MED14: variants seen among roughly 807,000 people sequenced by gnomAD.
MED14 encodes mediator complex subunit 14.
A neutral mutation model predicts 109.0 loss-of-function variants in MED14; 8 were observed. That is an observed-to-expected ratio of 0.07 (90% confidence interval 0.04 to 0.13). The LOEUF is 0.13. Ranked by LOEUF, MED14 falls within the 10% of genes least tolerant of loss-of-function variation. The probability of loss-of-function intolerance (pLI) is 1.00; values close to 1 mark genes in which losing one functional copy is unlikely to be tolerated. For synonymous variants in MED14, 399 were observed against 408.7 expected (o/e 0.98, Z 0.29); for missense variants, 711 against 1,142.4 (o/e 0.62, Z 5.44).
rs1403818226 is a variant in MED14, at chrX:40,697,294, A to C, written c.1491-111T>G. 6.5e-6 allele frequency: 3 copies of C among 464,686 alleles called. No homozygotes were observed. The African/African-American group carries it at 7.3e-5, about 11-fold the overall frequency. 38.3% of individuals were successfully genotyped at this position (464,686 alleles called of 1,213,427 possible). On this transcript the variant is annotated intron_variant, in intron 12 of 30. Transcript: ENST00000324817. ...TTAAAAAAACAATTAATTGAAATTT[A>C]ACTGAACTAATAAAAGGACACATGG...
Position 40,680,744 on chromosome X carries a change from ATAAACT to A in MED14, c.2610+8_2610+13del. The A allele has an allele frequency of 4.2e-6, 5 of 1,181,571 alleles. No individual in the cohort carries two copies. The highest frequency in any genetic ancestry group is 5.7e-6 in the Non-Finnish European group (5 of 874,188). On this transcript the variant is annotated splice_region_variant and intron_variant, in intron 20 of 30. Coordinates refer to ENST00000324817, the MANE Select transcript of MED14 (RefSeq NM_004229.4). ...ACTAAGTCTTATTTTTAGACAGAAAATAAACTTAATTACCTGTAATAACTGAACCAC... is the reference window on the plus strand; with the variant it reads ...ACTAAGTCTTATTTTTAGACAGAAAATAATTACCTGTAATAACTGAACCAC...
At chrX:40,726,137 C>T (rs1206646803) in intron 3 of MED14, among the ~76,000 whole-genome samples, 1 of 111,523 alleles carries the variant, frequency 9.0e-6, no homozygotes, top group African/African-American at 3.3e-5. Context: ...GTACACTGCA[C>T]TGCATGTCAC....
chrX:40,735,047 A>T, intron 1 of MED14, 151 bp downstream of exon 1: 1 of 344,683 alleles, frequency 2.9e-6, no homozygotes, highest in East Asian at 4.8e-5. Context: ...CTTCTTCTCC[A>T]CCTCTGCTGA....
chrX:40,726,713 T>TTTATACAAAGTAAATA lies in MED14; in HGVS notation c.348+32_348+33insTATTTACTTTGTATAA, dbSNP rs1204709909. 2.7e-6 allele frequency: 3 copies of TTTATACAAAGTAAATA among 1,111,519 alleles called. No individual in the cohort carries two copies. In the Admixed American group the frequency reaches 7.2e-5, roughly 27 times the overall value. The allele number at this position is 1,111,519 out of a possible 1,213,427, so 91.6% of individuals were successfully genotyped here. A position where few individuals can be genotyped will look rare whatever the true frequency, so the allele number is the denominator to read the frequency against. On this transcript the variant is annotated intron_variant, in intron 3 of 30. Transcript: ENST00000324817. ...TCTATCATAACATTCGAAAAGTTAT[T>TTTATACAAAGTAAATA]TTATACAAAGTAAAATAAAAAGTTT...
At chrX:40,696,705 C>T (rs1930738003) in intron 13 of MED14, among the ~76,000 whole-genome samples, 1 of 111,634 alleles carries the variant, frequency 9.0e-6, no homozygotes, top group African/African-American at 3.3e-5. Flanking sequence ...TCAAGTGAAA[C>T]AAGTTTATCT....
chrX:40,661,762 T>G (rs1221395574), intron 26 of MED14, among the ~76,000 whole-genome samples: 1 of 111,970 alleles, frequency 8.9e-6, no homozygotes, highest in Non-Finnish European at 1.9e-5. Flanking sequence ...AATTATAAAT[T>G]ATCTCCTAAG....
intron 3 of MED14, among the ~76,000 whole-genome samples, chrX:40,715,611 C>T (rs1381684967): frequency 9.3e-6 from 1 of 107,879 alleles, no homozygotes. Flanking sequence ...ATGATGAAAC[C>T]CTGTCTCTAC....
intron 26 of MED14, among the ~76,000 whole-genome samples, chrX:40,660,788 T>C (rs1322146502): frequency 8.8e-6 from 1 of 113,162 alleles, no homozygotes; most frequent in Non-Finnish European, 1.9e-5. Flanking sequence ...TAGTTTATTT[T>C]ATTATTTTTC....
At chrX:40,728,533 A>AT (rs1322873723) in intron 2 of MED14, among the ~76,000 whole-genome samples, 7 of 110,537 alleles carry the variant, frequency 6.3e-5, no homozygotes, top group African/African-American at 1.7e-4. Flanking sequence ...GTGATTTGGT[A>AT]TAAAAAAAAA....
intron 16 of MED14, among the ~76,000 whole-genome samples, chrX:40,686,427 A>C (rs2146663943): frequency 8.9e-6 from 1 of 111,973 alleles, no homozygotes; most frequent in African/African-American, 3.2e-5. Context: ...AGAAAAAAAA[A>C]ACCTATATTC....
At chrX:40,703,810 A>G in intron 10 of MED14, among the ~76,000 whole-genome samples, 1 of 112,628 alleles carries the variant, frequency 8.9e-6, no homozygotes, top group Non-Finnish European at 1.9e-5. Flanking sequence ...AGCAAAAAAA[A>G]TCCAAAGTTT....
rs907714259 is a variant in MED14 at position 40,649,918 on chromosome X, G to T, written c.*1888C>A. 2.0e-5 allele frequency: 15 copies of T among 754,914 alleles called. No homozygotes were observed. The South Asian group carries it at 7.4e-4, about 37-fold the overall frequency. The allele number at this position is 754,914 out of a possible 1,213,427, so 62.2% of individuals were successfully genotyped here. A position where few individuals can be genotyped will look rare whatever the true frequency, so the allele number is the denominator to read the frequency against. ...TAATTAGGAAAAAAGAGTGTCCACTGAATGCATCATGTGTAAAAATGCAAT... is the reference window on the plus strand; with the variant it reads ...TAATTAGGAAAAAAGAGTGTCCACTTAATGCATCATGTGTAAAAATGCAAT... On this transcript the variant is annotated 3_prime_UTR_variant, in exon 31 of 31. Transcript: ENST00000324817.
intron 3 of MED14, among the ~76,000 whole-genome samples, chrX:40,722,162 G>C (rs1318146789): frequency 8.9e-6 from 1 of 112,232 alleles, no homozygotes; most frequent in Non-Finnish European, 1.9e-5. Context: ...TGACCTTTCA[G>C]ACAGAAAATT....
At position 40,655,970 on chromosome X, in the gene MED14, T is replaced by G. The variant is rs148051051; in HGVS notation, c.3973-910A>C. On this transcript the variant is annotated intron_variant, in intron 28 of 30. Coordinates refer to ENST00000324817, the MANE Select transcript of MED14 (RefSeq NM_004229.4). ...TAACTACATACTTTCACAGTATATA[T>G]CTCCCCATACAGAGAAGATTGATTA... Among the ~76,000 whole-genome samples the G allele has an allele frequency of 1.2e-4, 13 of 111,440 alleles. No homozygotes were observed. In the East Asian group the frequency reaches 3.3e-3, roughly 29 times the overall value.
At chrX:40,689,703 A>G (rs977646254) in intron 15 of MED14, among the ~76,000 whole-genome samples, 6 of 111,355 alleles carry the variant, frequency 5.4e-5, no homozygotes. Context: ...AAAAAAAAAA[A>G]GATATATAAA....
intron 16 of MED14, 108 bp downstream of exon 16, chrX:40,688,346 C>T (rs767889675): frequency 1.5e-5 from 8 of 531,190 alleles, no homozygotes; most frequent in African/African-American, 9.3e-5. Flanking sequence ...AAATCCACAA[C>T]ACCCACAGGT....
rs185220180 is a variant in MED14, at chrX:40,732,417, G to A, written c.215+2781C>T. 2.6e-3 allele frequency among the ~76,000 whole-genome samples: 289 copies of A among 110,773 alleles called. 2 individuals are homozygous for A. The highest frequency in any genetic ancestry group is 9.1e-3 in the African/African-American group (275 of 30,374). Reference sequence around the variant, plus strand: ...GCCTGTAATCGCAGCTACTCGGGAGGCTGAGGCACAAGAATCACTTGAACC... The same window carrying A: ...GCCTGTAATCGCAGCTACTCGGGAGACTGAGGCACAAGAATCACTTGAACC... On this transcript the variant is annotated intron_variant, in intron 1 of 30. Coordinates refer to ENST00000324817, the MANE Select transcript of MED14 (RefSeq NM_004229.4).
chrX:40,676,905 T>C (rs939813475), intron 21 of MED14, among the ~76,000 whole-genome samples: 9 of 112,114 alleles, frequency 8.0e-5, no homozygotes, highest in African/African-American at 2.6e-4. Context: ...CTTTCCTTTA[T>C]AAATTACCCA....
rs1289462382 is a variant in MED14 at position 40,649,079 on chromosome X, T to TG, written c.*2726dup. On this transcript the variant is annotated 3_prime_UTR_variant, in exon 31 of 31. Transcript: ENST00000324817. ...GGTAAAATGTAATAGGCACTTCTTT[T>TG]GGGGGGAAAAACTATGAAAGGAACA... 2 of 112,071 alleles carry TG rather than the reference T, an allele frequency of 1.8e-5. No homozygotes were observed. Among genetic ancestry groups the TG allele is most frequent in the Admixed American group, 1.9e-4 (2 of 10,585 alleles). 9.2% of individuals were successfully genotyped at this position (112,071 alleles called of 1,213,427 possible).
Sources: gnomAD v4.1 joint callset for allele counts (sites outside exome capture counted in the v4.1 genomes callset) on GRCh38, gnomAD v4.1.1 for gene constraint, MANE v1.5 for transcripts, NCBI Gene and HGNC (gene_info 2026-07-23, HGNC 2026-07-21) for gene names.